The following PUDP variants were observed in gnomAD, a reference collection of about 807,000 sequenced individuals.
PUDP encodes the protein pseudouridine-5'-phosphatase.
In PUDP, 8 loss-of-function variants were observed where a neutral mutation model predicts 9.4. The ratio of observed to expected loss-of-function variants is 0.85; its 90% CI spans 0.50 to 1.53. PUDP has a LOEUF of 1.53. Among genes scored for constraint, PUDP ranks in the 40% most tolerant of loss-of-function variants. The pLI, the probability that PUDP is intolerant of heterozygous loss-of-function variation, is 0.00. For missense variants in PUDP, 188 were observed against 189.7 expected, an observed-to-expected ratio of 0.99 and a Z score of 0.05; for synonymous variants, 99 against 80.7, an observed-to-expected ratio of 1.23 and a Z score of -1.22.
At chrX:6,985,341 G>A (rs1348549769) in intron 1 of PUDP, among the ~76,000 whole-genome samples, 2 of 111,557 alleles carry the variant, frequency 1.8e-5, no homozygotes, top group Non-Finnish European at 3.8e-5. Context: ...GCCTCAGTAA[G>A]TTTACTTAAT....
chrX:6,870,504 C>T (rs186867937), intron 3 of PUDP, among the ~76,000 whole-genome samples: 202 of 111,789 alleles, frequency 1.8e-3, no homozygotes, highest in Middle Eastern at 4.6e-3. Flanking sequence ...GTGACTTGCT[C>T]CTCCTTGCCT....
intron 2 of PUDP, among the ~76,000 whole-genome samples, chrX:7,088,816 AT>A (rs1931340762): frequency 1.8e-5 from 2 of 111,702 alleles, no homozygotes; most frequent in East Asian, 5.6e-4. Flanking sequence ...TGCCCTTTTA[AT>A]AAGCACATGG....
intron 2 of PUDP, among the ~76,000 whole-genome samples, chrX:7,079,613 A>C: frequency 8.8e-6 from 1 of 112,995 alleles, no homozygotes; most frequent in Middle Eastern, 4.6e-3. Context: ...ATCATACAGA[A>C]TACCTTATCT....
chrX:6,783,783 C>T (rs189173353), intron 3 of PUDP, among the ~76,000 whole-genome samples: 4 of 111,618 alleles, frequency 3.6e-5, no homozygotes, highest in South Asian at 3.8e-4. Context: ...GAATTTGGCT[C>T]ATGCAGTTGT....
intron 1 of PUDP, among the ~76,000 whole-genome samples, chrX:6,988,916 G>C (rs1052261752): frequency 9.0e-6 from 1 of 111,313 alleles, no homozygotes; most frequent in Non-Finnish European, 1.9e-5. Flanking sequence ...TCACCACTCA[G>C]TCAGTGCTGA....
chrX:6,970,750 G>T (rs1928861551), intron 3 of PUDP, among the ~76,000 whole-genome samples: 1 of 111,637 alleles, frequency 9.0e-6, no homozygotes, highest in Admixed American at 9.6e-5. Context: ...AGGACTGCCT[G>T]TATGATGGAT....
chrX:7,069,564 G>A (rs931281057), intron 3 of PUDP, among the ~76,000 whole-genome samples: 1 of 110,603 alleles, frequency 9.0e-6, no homozygotes, highest in Non-Finnish European at 1.9e-5. Context: ...ATGGGGTGTT[G>A]GGGAGAAGCA....
At chrX:6,776,455 C>T (rs960522268) in intron 3 of PUDP, among the ~76,000 whole-genome samples, 46 of 111,137 alleles carry the variant, frequency 4.1e-4, no homozygotes, top group African/African-American at 1.4e-3. Context: ...TGCTTGAACC[C>T]GGGATGCAGA....
rs771571263 is a variant in PUDP, at chrX:6,906,136, G to C, written c.*247+70997C>G. Among the ~76,000 whole-genome samples the C allele has an allele frequency of 7.1e-5, 8 of 112,078 alleles. 1 individual carries two copies. The East Asian group carries it at 2.3e-3, about 32-fold the overall frequency. On this transcript the variant is annotated intron_variant and NMD_transcript_variant, in intron 3 of 3. Transcript: ENST00000655425. ...GATGTTCCCATGCCATGGCTCTGGG[G>C]GGCAAGGTGTTGCATCTGGAGATAA...
intron 1 of PUDP, among the ~76,000 whole-genome samples, chrX:6,991,667 A>T (rs1379292030): frequency 1.1e-5 from 1 of 94,771 alleles, no homozygotes; most frequent in African/African-American, 3.7e-5. Context: ...AGAGAGTAAG[A>T]CCTTGTCTCA....
chrX:7,083,581 G>A (rs1203188678), intron 2 of PUDP, among the ~76,000 whole-genome samples: 2 of 111,196 alleles, frequency 1.8e-5, no homozygotes, highest in South Asian at 7.7e-4. Context: ...GTGGACAGAC[G>A]GCTGCTCTTT....
At chrX:6,734,723 T>G (rs1335396838) in intron 3 of PUDP, among the ~76,000 whole-genome samples, 1 of 111,842 alleles carries the variant, frequency 8.9e-6, no homozygotes, top group Non-Finnish European at 1.9e-5. Flanking sequence ...GGTCACACCC[T>G]GCTACACAGT....
At chrX:6,996,105 C>T (rs1015606694) in intron 1 of PUDP, among the ~76,000 whole-genome samples, 2 of 111,394 alleles carry the variant, frequency 1.8e-5, no homozygotes, top group Admixed American at 1.9e-4. Flanking sequence ...CAAATACATA[C>T]ACTGTAATGA....
chrX:7,029,682 G>A (rs1929766761), intron 1 of PUDP, among the ~76,000 whole-genome samples: 1 of 111,838 alleles, frequency 8.9e-6, no homozygotes, highest in Non-Finnish European at 1.9e-5. Flanking sequence ...ATTCTATGAA[G>A]CATTTCACAG....
intron 1 of PUDP, among the ~76,000 whole-genome samples, chrX:7,108,704 G>A (rs1333526805): frequency 8.9e-6 from 1 of 111,846 alleles, no homozygotes; most frequent in Non-Finnish European, 1.9e-5. Flanking sequence ...TCTACCACAA[G>A]CTGTATTTTT....
chrX:6,977,109 T>G lies in PUDP; in HGVS notation c.*247+24A>C, dbSNP rs750140616. On this transcript the variant is annotated intron_variant and NMD_transcript_variant, in intron 3 of 3. Transcript: ENST00000655425. ...AAATTTGCAATATTTGAGCTTGCAT[T>G]TAAATAAATACAGAGTTTCCTACCT... 3.6e-5 allele frequency among the ~76,000 whole-genome samples: 4 copies of G among 112,281 alleles called. No individual in the cohort carries two copies. In the East Asian group the frequency reaches 1.1e-3, roughly 32 times the overall value.
At chrX:6,865,844 C>T (rs776633283) in intron 3 of PUDP, among the ~76,000 whole-genome samples, 4 of 111,323 alleles carry the variant, frequency 3.6e-5, no homozygotes, top group East Asian at 2.8e-4. Context: ...TTATAGCTCA[C>T]AGTAAAATAG....
chrX:7,071,117 CT>C (rs1035731273), intron 3 of PUDP, among the ~76,000 whole-genome samples: 3 of 111,478 alleles, frequency 2.7e-5, no homozygotes, highest in Non-Finnish European at 3.8e-5. Flanking sequence ...CTAGCTACAT[CT>C]TTTTTTCAGT....
chrX:7,089,583 T>C (rs759892572), intron 2 of PUDP, among the ~76,000 whole-genome samples: 3 of 111,751 alleles, frequency 2.7e-5, no homozygotes, highest in African/African-American at 6.5e-5. Flanking sequence ...TTTTGTTTTT[T>C]TTTGAAACAC....
Sources: gnomAD v4.1 joint callset for allele counts (sites outside exome capture counted in the v4.1 genomes callset) on GRCh38, gnomAD v4.1.1 for gene constraint, MANE v1.5 for transcripts, NCBI Gene and HGNC (gene_info 2026-07-23, HGNC 2026-07-21) for gene names.